RIMKLB: variants seen among roughly 807,000 people sequenced by gnomAD.
The protein encoded by RIMKLB is ribosomal modification protein rimK like family member B.
RIMKLB carries 7 observed loss-of-function variants against 32.0 expected under a neutral mutation model. The ratio of observed to expected loss-of-function variants is 0.22; its 90% CI spans 0.12 to 0.41. RIMKLB has a LOEUF of 0.41. Among genes scored for constraint, RIMKLB ranks in the 10% least tolerant of loss-of-function variants. The pLI is 1.00. For missense variants in RIMKLB, 289 were observed against 498.7 expected, an observed-to-expected ratio of 0.58 and a Z score of 4.00; for synonymous variants, 172 against 185.1, an observed-to-expected ratio of 0.93 and a Z score of 0.57.
intron 3 of RIMKLB, among the ~76,000 whole-genome samples, chr12:8,750,420 T>C (rs1948519257): frequency 6.6e-6 from 1 of 152,212 alleles, no homozygotes; most frequent in Non-Finnish European, 1.5e-5. Flanking sequence ...CCGATGAAAC[T>C]TTATTATTAT....
At chr12:8,671,460 C>T in the RIMKLB span, among the ~76,000 whole-genome samples, 9 of 152,068 alleles carry the variant, frequency 5.9e-5, no homozygotes, top group South Asian at 6.2e-4. Flanking sequence ...ATGTTGGTCA[C>T]GCTGTTCTTG....
intron 1 of RIMKLB, among the ~76,000 whole-genome samples, chr12:8,686,080 A>G (rs1466610555): frequency 6.6e-6 from 1 of 152,122 alleles, no homozygotes; most frequent in Admixed American, 6.5e-5. Context: ...TGCTGGGATT[A>G]CAGGCATGAG....
Position 8,753,979 on chromosome 12 carries a change from T to C in RIMKLB, c.583T>C (p.Tyr195His). 1 of 1,613,926 alleles carries C rather than the reference T, an allele frequency of 6.2e-7. No homozygotes were observed. The highest frequency in any genetic ancestry group is 8.5e-7 in the Non-Finnish European group (1 of 1,179,820). Residue 195 changes from tyrosine to histidine, a missense_variant, in exon 5 of 6, where the codon TAT becomes CAT. Physicochemically the swap from Tyr to His is moderately conservative, Grantham distance 83 (BLOSUM62 2). Coordinates refer to ENST00000535829, the MANE Select transcript of RIMKLB (RefSeq NM_001297776.2). ...TGAAGCGCCATACCTGTTCCAGAAG[T>C]ATGTTAAAGAGTCTCATGGACGGGA... ...RHEAPYLFQK[Y>H]VKESHGRDVR...
intron 2 of RIMKLB, among the ~76,000 whole-genome samples, chr12:8,728,075 T>G (rs1039042283): frequency 1.2e-4 from 19 of 152,154 alleles, no homozygotes; most frequent in Middle Eastern, 3.2e-3. Flanking sequence ...TTGGTATCTG[T>G]GGGGGATCCT....
intron 1 of RIMKLB, among the ~76,000 whole-genome samples, chr12:8,704,038 C>T (rs933725344): frequency 2.0e-5 from 3 of 152,100 alleles, no homozygotes; most frequent in Non-Finnish European, 4.4e-5. Context: ...ATAATAGAAG[C>T]CTGTGTTCCT....
intron 2 of RIMKLB, among the ~76,000 whole-genome samples, chr12:8,725,376 C>G (rs1338023086): frequency 2.0e-5 from 3 of 152,126 alleles, no homozygotes; most frequent in African/African-American, 7.2e-5. Context: ...CTCCCCGGTT[C>G]CAGCGATTCT....
At chr12:8,695,394 TG>T (rs2136602785), upstream of RIMKLB, among the ~76,000 whole-genome samples, 1 of 152,302 alleles carries the variant, frequency 6.6e-6, no homozygotes, top group African/African-American at 2.4e-5. Context: ...TATGACTGAA[TG>T]TATGTACAGC....
chr12:8,732,756 T>TACAC (rs775849283), intron 2 of RIMKLB, among the ~76,000 whole-genome samples: 61 of 150,142 alleles, frequency 4.1e-4, no homozygotes, highest in African/African-American at 1.4e-3. Context: ...TATATATATA[T>TACAC]ACACACACAC....
chr12:8,761,630 C>G (rs879506929), intron 5 of RIMKLB, among the ~76,000 whole-genome samples: 4 of 152,082 alleles, frequency 2.6e-5, no homozygotes, highest in Admixed American at 1.3e-4. Context: ...CCTGATTGGT[C>G]GGGTGTGAGC....
chr12:8,680,632 CA>C, upstream of RIMKLB, among the ~76,000 whole-genome samples: 1 of 152,112 alleles, frequency 6.6e-6, no homozygotes, highest in Non-Finnish European at 1.5e-5. Flanking sequence ...GCGCGAGATC[CA>C]AAAACCCTCT....
At position 8,723,316 on chromosome 12, in the gene RIMKLB, G is replaced by A. The variant is rs144203588; in HGVS notation, c.175+9275G>A. ...AGGGAGAGAGATGGGGAAGCCAGTTGGTGGAGCAGTGAGAATGTACACATT... is the reference window on the plus strand; with the variant it reads ...AGGGAGAGAGATGGGGAAGCCAGTTAGTGGAGCAGTGAGAATGTACACATT... On this transcript the variant is annotated intron_variant, in intron 2 of 5. Coordinates refer to ENST00000535829, the MANE Select transcript of RIMKLB (RefSeq NM_001297776.2). Among the ~76,000 whole-genome samples the A allele has an allele frequency of 1.3e-3, 200 of 152,318 alleles. 2 individuals are homozygous for A. The highest frequency in any genetic ancestry group is 6.8e-3 in the Middle Eastern group (2 of 294).
rs1381456615 is a variant in RIMKLB at position 8,774,095 on chromosome 12, T to TC, written c.*312dup. 5 of 1,071,714 alleles carry TC rather than the reference T, an allele frequency of 4.7e-6. No homozygotes were observed. The highest frequency in any genetic ancestry group is 4.5e-6 in the Non-Finnish European group (4 of 884,540). 66.4% of individuals were successfully genotyped at this position (1,071,714 alleles called of 1,614,324 possible). On this transcript the variant is annotated 3_prime_UTR_variant, in exon 6 of 6. Transcript: ENST00000535829. Reference sequence around the variant, plus strand: ...ATGAGGAACAAATACTTTTTTTTTTTCATGGTCCCTTGCTTTTGTTTTTGT... The same window carrying TC: ...ATGAGGAACAAATACTTTTTTTTTTTCCATGGTCCCTTGCTTTTGTTTTTGT...
intron 2 of RIMKLB, among the ~76,000 whole-genome samples, chr12:8,736,905 G>A (rs753284872): frequency 3.3e-5 from 5 of 152,060 alleles, no homozygotes; most frequent in African/African-American, 4.8e-5. Context: ...TCTGCCTCCC[G>A]CGTTCAGGCA....
intron 1 of RIMKLB, among the ~76,000 whole-genome samples, chr12:8,683,875 G>A (rs1458805889): frequency 1.3e-5 from 2 of 152,138 alleles, no homozygotes; most frequent in East Asian, 3.9e-4. Context: ...AGCTTCCCAA[G>A]TAGCTGAACT....
chr12:8,782,161 T>C (rs1951115815), downstream of RIMKLB, among the ~76,000 whole-genome samples: 1 of 151,988 alleles, frequency 6.6e-6, no homozygotes, highest in Non-Finnish European at 1.5e-5. Context: ...TTAATCTGAA[T>C]CAAAAATTGT....
chr12:8,703,290 A>C (rs1253278246), intron 1 of RIMKLB, among the ~76,000 whole-genome samples: 1 of 152,136 alleles, frequency 6.6e-6, no homozygotes, highest in East Asian at 1.9e-4. Context: ...TCTCAAAAAA[A>C]AGAAAAAGAA....
chr12:8,677,567 C>T (rs770344251), upstream of RIMKLB, among the ~76,000 whole-genome samples: 36 of 152,318 alleles, frequency 2.4e-4, no homozygotes, highest in African/African-American at 3.8e-4. Flanking sequence ...TGATACAAAG[C>T]AGCCAGAGTA....
In RIMKLB at chr12:8,775,848, TA is replaced by T; in HGVS notation, c.*2068del. On this transcript the variant is annotated 3_prime_UTR_variant, in exon 6 of 6. Transcript: ENST00000535829. ...TATCTTAGGATATTCTAATTGCATT[TA>T]AAAGAACTTATCTTGCGCAGGGTAA... 2.0e-6 allele frequency: 2 copies of T among 985,040 alleles called. No individual in the cohort carries two copies. Among genetic ancestry groups the T allele is most frequent in the Non-Finnish European group, 2.4e-6 (2 of 829,542 alleles). The allele number at this position is 985,040 out of a possible 1,614,324, so 61.0% of individuals were successfully genotyped here.
chr12:8,680,002 C>A (rs907624705), upstream of RIMKLB, among the ~76,000 whole-genome samples: 31 of 152,286 alleles, frequency 2.0e-4, no homozygotes, highest in Middle Eastern at 3.4e-3. Context: ...AGTAAAGAAG[C>A]CAGCCAAAAC....
Sources: allele counts gnomAD v4.1 joint callset (sites outside exome capture counted in the v4.1 genomes callset), GRCh38; gene constraint gnomAD v4.1.1; transcripts MANE v1.5; gene names NCBI Gene and HGNC (gene_info 2026-07-23, HGNC 2026-07-21).